Variants in MND1 observed in about 807,000 individuals in gnomAD.
MND1 encodes meiotic nuclear division protein 1 homolog.
MND1 carries 28 observed loss-of-function variants against 35.1 expected under a neutral mutation model. That is an observed-to-expected ratio of 0.80 (90% CI 0.59 to 1.09). MND1 has a LOEUF of 1.09. Ranked by LOEUF, MND1 falls within the 50% of genes least tolerant of loss-of-function variation. MND1 has a pLI of 0.00. For missense variants in MND1, 213 were observed against 239.6 expected (o/e 0.89, Z 0.73); for synonymous variants, 69 against 70.5 (o/e 0.98, Z 0.11).
chr4:153,362,662 G>C (rs1773524946), intron 4 of MND1, among the ~76,000 whole-genome samples: 1 of 152,076 alleles, frequency 6.6e-6, no homozygotes. Context: ...GTCAAATTTG[G>C]GGAGGGCTAT....
intron 4 of MND1, among the ~76,000 whole-genome samples, chr4:153,388,498 TAAAG>T (rs773290464): frequency 1.6e-4 from 24 of 152,108 alleles, no homozygotes; most frequent in Non-Finnish European, 3.4e-4. Context: ...AAAAAATAAA[TAAAG>T]ATGAAATCCT....
intron 4 of MND1, among the ~76,000 whole-genome samples, chr4:153,365,758 C>T (rs573995476): frequency 6.6e-6 from 1 of 152,112 alleles, no homozygotes; most frequent in Non-Finnish European, 1.5e-5. Context: ...AGCCATTGTG[C>T]CTGGCCACGG....
intron 4 of MND1, among the ~76,000 whole-genome samples, chr4:153,390,266 G>A (rs962286691): frequency 5.3e-5 from 8 of 152,114 alleles, no homozygotes; most frequent in Non-Finnish European, 1.0e-4. Flanking sequence ...TAAGAACTAC[G>A]CAGTGAGCCA....
At chr4:153,386,281 A>G (rs1267458388) in intron 4 of MND1, among the ~76,000 whole-genome samples, 1 of 151,058 alleles carries the variant, frequency 6.6e-6, no homozygotes, top group Non-Finnish European at 1.5e-5. Flanking sequence ...GCATGAGACC[A>G]GGAGTCTGAG....
intron 6 of MND1, among the ~76,000 whole-genome samples, chr4:153,407,332 A>G (rs1295850155): frequency 6.6e-6 from 1 of 152,116 alleles, no homozygotes; most frequent in Non-Finnish European, 1.5e-5. Flanking sequence ...GTGTGGTGGC[A>G]CATGCCTGTA....
chr4:153,377,114 A>C (rs1386750637), intron 4 of MND1, among the ~76,000 whole-genome samples: 1 of 152,106 alleles, frequency 6.6e-6, no homozygotes, highest in Non-Finnish European at 1.5e-5. Flanking sequence ...TTCTTCATCC[A>C]AGTTCTGGTT....
At chr4:153,373,535 CT>C (rs1470926299) in intron 4 of MND1, among the ~76,000 whole-genome samples, 4 of 152,142 alleles carry the variant, frequency 2.6e-5, no homozygotes, top group African/African-American at 7.2e-5. Context: ...GTGAATCTAG[CT>C]TTTAAAAAAT....
At chr4:153,394,446 C>A in intron 5 of MND1, 110 bp downstream of exon 5, 1 of 781,928 alleles carries the variant, frequency 1.3e-6, no homozygotes, top group Non-Finnish European at 2.0e-6. Context: ...AGAAGGGGAT[C>A]ATAGCCAAGG....
intron 4 of MND1, among the ~76,000 whole-genome samples, chr4:153,380,138 A>G (rs2149645316): frequency 6.6e-6 from 1 of 152,238 alleles, no homozygotes; most frequent in East Asian, 1.9e-4. Context: ...TTTCTCTTTT[A>G]TATGCATGAA....
intron 7 of MND1, among the ~76,000 whole-genome samples, chr4:153,413,298 A>G (rs188581228): frequency 1.3e-5 from 2 of 152,342 alleles, no homozygotes; most frequent in Admixed American, 1.3e-4. Context: ...CCGACAAGCT[A>G]TAAAATCTTA....
chr4:153,369,269 GT>G (rs1295958237), intron 4 of MND1, among the ~76,000 whole-genome samples: 2 of 152,224 alleles, frequency 1.3e-5, no homozygotes, highest in Non-Finnish European at 1.5e-5. Flanking sequence ...GACAGAAGCA[GT>G]AGTTTTTTTG....
chr4:153,376,695 A>T lies in MND1; in HGVS notation c.277-17567A>T, dbSNP rs554287601. Among the ~76,000 whole-genome samples, 50 of 152,182 alleles carry T rather than the reference A, an allele frequency of 3.3e-4. 1 individual carries two copies. The South Asian group carries it at 7.9e-3, about 24-fold the overall frequency. The stretch of plus-strand genomic sequence containing the variant: ...TTCCAAAAAGAATAGAATTTCCAAA[A>T]TTTATTTTTGTATTTGTACCCCTGT... On this transcript the variant is annotated intron_variant, in intron 4 of 7. Transcript: ENST00000240488.
chr4:153,409,418 A>G (rs1729620170), intron 7 of MND1, among the ~76,000 whole-genome samples: 1 of 144,526 alleles, frequency 6.9e-6, no homozygotes, highest in African/African-American at 2.6e-5. Flanking sequence ...ACTATTTGCC[A>G]GTTACTGTAA....
intron 4 of MND1, among the ~76,000 whole-genome samples, chr4:153,380,129 T>C (rs1270830946): frequency 6.6e-6 from 1 of 152,198 alleles, no homozygotes; most frequent in Non-Finnish European, 1.5e-5. Context: ...ATAATTTTTT[T>C]TCTCTTTTAT....
At chr4:153,380,293 A>T (rs1440161793) in intron 4 of MND1, among the ~76,000 whole-genome samples, 1 of 152,114 alleles carries the variant, frequency 6.6e-6, no homozygotes, top group Non-Finnish European at 1.5e-5. Flanking sequence ...AGAGGTCTGG[A>T]CTAGATTTCT....
chr4:153,345,987 C>T (rs1357900446), intron 1 of MND1, among the ~76,000 whole-genome samples: 1 of 152,216 alleles, frequency 6.6e-6, no homozygotes, highest in Non-Finnish European at 1.5e-5. Context: ...GAATCACCTG[C>T]TAATACTAAA....
intron 1 of MND1, chr4:153,345,545 T>G (rs959207573): frequency 1.5e-5 from 15 of 985,178 alleles, no homozygotes; most frequent in African/African-American, 1.7e-5. Context: ...TTTCTGCTCA[T>G]CAAATCATTT....
chr4:153,414,613 C>T, intron 7 of MND1, 138 bp from the exon 8 acceptor site: 4 of 467,226 alleles, frequency 8.6e-6, no homozygotes, highest in Admixed American at 4.0e-5. Flanking sequence ...TGCCATTACT[C>T]TTAAAAATAC....
At chr4:153,385,623 G>A (rs1728832169) in intron 4 of MND1, among the ~76,000 whole-genome samples, 1 of 151,600 alleles carries the variant, frequency 6.6e-6, no homozygotes, top group African/African-American at 2.4e-5. Flanking sequence ...GGCTGAGGTG[G>A]GAGGATTGCT....
Sources: allele counts gnomAD v4.1 joint callset (sites outside exome capture counted in the v4.1 genomes callset), GRCh38; gene constraint gnomAD v4.1.1; transcripts MANE v1.5; gene names NCBI Gene and HGNC (gene_info 2026-07-23, HGNC 2026-07-21).